The following GTF2E1 variants were observed in gnomAD, a reference collection of about 807,000 sequenced individuals.
GTF2E1 encodes the protein TFIIE alpha subunit.
GTF2E1 carries 14 observed loss-of-function variants against 34.9 expected under a neutral mutation model. That is an observed-to-expected ratio of 0.40 (90% CI 0.27 to 0.63). The LOEUF (loss-of-function observed/expected upper bound fraction) is 0.63. Among genes scored for constraint, GTF2E1 ranks in the 20% least tolerant of loss-of-function variants. The probability of loss-of-function intolerance (pLI) is 0.39; values close to 1 mark genes in which losing one functional copy is unlikely to be tolerated. For synonymous variants in GTF2E1, 188 were observed against 192.9 expected (o/e 0.97, Z 0.21); for missense variants, 469 against 557.7 (o/e 0.84, Z 1.60).
In GTF2E1 at chr3:120,781,825, C is replaced by T. The variant is rs1045645239; in HGVS notation, c.*355C>T. ...CTGCCTCCTGGGTTCAAGCGATTCT[C>T]CTGCCTCAGCCTCCCGAGTAGCTGG... On this transcript the variant is annotated 3_prime_UTR_variant, in exon 5 of 5. Transcript: ENST00000283875. The T allele has an allele frequency of 4.1e-5, 7 of 169,488 alleles. No homozygotes were observed. The highest frequency in any genetic ancestry group is 6.4e-5 in the Non-Finnish European group (5 of 78,066). The allele number at this position is 169,488 out of a possible 1,614,324, so 10.5% of individuals were successfully genotyped here. A position where few individuals can be genotyped will look rare whatever the true frequency, so the allele number is the denominator to read the frequency against.
intron 2 of GTF2E1, among the ~76,000 whole-genome samples, chr3:120,769,568 G>A (rs1483972702): frequency 1.3e-5 from 2 of 152,178 alleles, no homozygotes; most frequent in Non-Finnish European, 2.9e-5. Flanking sequence ...CAAGAACAGA[G>A]TGACGCTAAA....
intron 2 of GTF2E1, among the ~76,000 whole-genome samples, chr3:120,769,307 C>G (rs1709333703): frequency 6.6e-6 from 1 of 151,842 alleles, no homozygotes. Context: ...CAAAAGCTAT[C>G]AGGTACGCAC....
chr3:120,743,252 C>T (rs1709073008), intron 1 of GTF2E1, among the ~76,000 whole-genome samples: 1 of 152,228 alleles, frequency 6.6e-6, no homozygotes, highest in Non-Finnish European at 1.5e-5. Context: ...TCTAACTGGT[C>T]TCTTCGCATC....
chr3:120,780,050 A>G (rs1709433531), intron 4 of GTF2E1, among the ~76,000 whole-genome samples: 1 of 152,176 alleles, frequency 6.6e-6, no homozygotes, highest in Non-Finnish European at 1.5e-5. Context: ...TTCATTCCTA[A>G]AATTAGATTC....
intron 4 of GTF2E1, among the ~76,000 whole-genome samples, chr3:120,778,776 C>T (rs938190299): frequency 6.6e-6 from 1 of 152,126 alleles, no homozygotes; most frequent in Non-Finnish European, 1.5e-5. Flanking sequence ...TCTAGAAACA[C>T]GTAGAGGTAC....
At chr3:120,765,083 GTTAAAA>G (rs938801515) in intron 2 of GTF2E1, among the ~76,000 whole-genome samples, 1 of 128,742 alleles carries the variant, frequency 7.8e-6, no homozygotes, top group African/African-American at 2.9e-5. Context: ...TTTGGAGAAA[GTTAAAA>G]TTAAAATGGT....
At chr3:120,772,559 A>C (rs1320353269) in intron 3 of GTF2E1, among the ~76,000 whole-genome samples, 1 of 152,146 alleles carries the variant, frequency 6.6e-6, no homozygotes, top group African/African-American at 2.4e-5. Flanking sequence ...AGTCCTTTTA[A>C]GTTATATTGT....
At chr3:120,751,181 C>T in intron 2 of GTF2E1, 181 bp downstream of exon 2, 1 of 528,128 alleles carries the variant, frequency 1.9e-6, no homozygotes, top group East Asian at 3.0e-5. Context: ...TTTGAGAAGC[C>T]TTTGCAAAGC....
chr3:120,746,718 G>A (rs1219494413), intron 1 of GTF2E1, among the ~76,000 whole-genome samples: 7 of 152,146 alleles, frequency 4.6e-5, no homozygotes, highest in Non-Finnish European at 2.9e-5. Flanking sequence ...AAGATTGCTT[G>A]AGCCCAGGAG....
At chr3:120,764,151 A>T (rs1278719782) in intron 2 of GTF2E1, among the ~76,000 whole-genome samples, 1 of 152,138 alleles carries the variant, frequency 6.6e-6, no homozygotes, top group Non-Finnish European at 1.5e-5. Flanking sequence ...TTTCCTATAT[A>T]ATAGAGCAAC....
chr3:120,774,650 T>C (rs1315292451), intron 3 of GTF2E1, among the ~76,000 whole-genome samples: 2 of 125,344 alleles, frequency 1.6e-5, no homozygotes, highest in African/African-American at 6.0e-5. Flanking sequence ...AAAAAAAAAA[T>C]AGATGGATTG....
intron 2 of GTF2E1, among the ~76,000 whole-genome samples, chr3:120,767,001 T>C (rs1381058502): frequency 3.9e-5 from 6 of 152,118 alleles, no homozygotes; most frequent in Admixed American, 3.9e-4. Context: ...AAATGTCAAA[T>C]TTCTTACTTT....
chr3:120,757,087 A>G (rs940126359), intron 2 of GTF2E1, among the ~76,000 whole-genome samples: 5 of 152,048 alleles, frequency 3.3e-5, no homozygotes, highest in Non-Finnish European at 7.4e-5. Flanking sequence ...TGTCTTTCAG[A>G]TAGTTGAGAT....
intron 2 of GTF2E1, among the ~76,000 whole-genome samples, chr3:120,752,127 G>C (rs1709169315): frequency 6.6e-6 from 1 of 152,118 alleles, no homozygotes; most frequent in Non-Finnish European, 1.5e-5. Flanking sequence ...AATGATTTTG[G>C]ATGAAAACTG....
At chr3:120,760,949 T>G (rs1709257356) in intron 2 of GTF2E1, among the ~76,000 whole-genome samples, 2 of 152,234 alleles carry the variant, frequency 1.3e-5, no homozygotes, top group African/African-American at 4.8e-5. Flanking sequence ...TAAAATGAGT[T>G]AAGGAGGATT....
At chr3:120,764,430 A>G (rs752919791) in intron 2 of GTF2E1, among the ~76,000 whole-genome samples, 43 of 152,318 alleles carry the variant, frequency 2.8e-4, no homozygotes, top group Non-Finnish European at 5.6e-4. Flanking sequence ...ATGGGCTGCA[A>G]TAGGAGTCCC....
intron 2 of GTF2E1, among the ~76,000 whole-genome samples, chr3:120,769,036 C>T (rs552104569): frequency 2.0e-5 from 3 of 152,226 alleles, no homozygotes; most frequent in African/African-American, 7.2e-5. Flanking sequence ...TCGGATGCTT[C>T]TATCTACTAT....
intron 1 of GTF2E1, among the ~76,000 whole-genome samples, chr3:120,746,740 A>T (rs1456272974): frequency 3.3e-5 from 5 of 152,168 alleles, no homozygotes; most frequent in Non-Finnish European, 5.9e-5. Context: ...TTGAGACTGC[A>T]CTGAGCCAAG....
At chr3:120,768,782 GAACAGTTGGAGAATAATATAAGAT>G (rs1433228583) in intron 2 of GTF2E1, among the ~76,000 whole-genome samples, 1 of 152,156 alleles carries the variant, frequency 6.6e-6, no homozygotes, top group Non-Finnish European at 1.5e-5. Context: ...AGACAGCTTG[GAACAGTTGGAGAATAATATAAGAT>G]AACATTCTAC....
Sources: allele counts gnomAD v4.1 joint callset (sites outside exome capture counted in the v4.1 genomes callset), GRCh38; gene constraint gnomAD v4.1.1; transcripts MANE v1.5; gene names NCBI Gene and HGNC (gene_info 2026-07-23, HGNC 2026-07-21).